Variants in CDH12 observed in about 807,000 individuals in gnomAD.
The protein encoded by CDH12 is cadherin 12.
Under a neutral mutation model 74.1 loss-of-function variants are expected in CDH12, and 41 were observed. The observed-to-expected ratio is 0.55, with a 90% CI of 0.43 to 0.72. The LOEUF is 0.72. Among genes scored for constraint, CDH12 ranks in the 30% least tolerant of loss-of-function variants. The probability of loss-of-function intolerance (pLI) is 0.00; values close to 1 mark genes in which losing one functional copy is unlikely to be tolerated. For synonymous variants in CDH12, 399 were observed against 355.0 expected (o/e 1.12, Z -1.39); for missense variants, 945 against 977.2 (o/e 0.97, Z 0.44).
chr5:21,844,685 G>T (rs1458151507), intron 7 of CDH12, among the ~76,000 whole-genome samples: 1 of 152,056 alleles, frequency 6.6e-6, no homozygotes, highest in Non-Finnish European at 1.5e-5. Flanking sequence ...TACCTATTTT[G>T]TCTCTGTTCA....
chr5:22,335,616 G>C (rs1018910767), intron 3 of CDH12, among the ~76,000 whole-genome samples: 1 of 151,622 alleles, frequency 6.6e-6, no homozygotes, highest in African/African-American at 2.4e-5. Context: ...ACAAAAACAA[G>C]GGGGAGTTTC....
chr5:22,834,196 C>T (rs1342973354), intron 1 of CDH12, among the ~76,000 whole-genome samples: 2 of 152,090 alleles, frequency 1.3e-5, no homozygotes, highest in Non-Finnish European at 2.9e-5. Flanking sequence ...TCTGCTGTGC[C>T]AGTTAGGAAA....
At chr5:22,506,946 T>C (rs919108952) in intron 1 of CDH12, among the ~76,000 whole-genome samples, 5 of 152,144 alleles carry the variant, frequency 3.3e-5, no homozygotes, top group African/African-American at 1.2e-4. Flanking sequence ...TAAAACCACA[T>C]TTTTCATTTC....
intron 7 of CDH12, among the ~76,000 whole-genome samples, chr5:21,848,240 T>C (rs1386184969): frequency 6.6e-6 from 1 of 152,102 alleles, no homozygotes; most frequent in Non-Finnish European, 1.5e-5. Context: ...AGATCTCTCC[T>C]AGTTAAACAT....
At chr5:22,412,432 T>C (rs2126475495) in intron 2 of CDH12, among the ~76,000 whole-genome samples, 1 of 152,078 alleles carries the variant, frequency 6.6e-6, no homozygotes, top group Middle Eastern at 3.4e-3. Context: ...AATGTCATTC[T>C]GAATAGGGCT....
At chr5:22,103,063 A>G (rs1744241658) in intron 4 of CDH12, among the ~76,000 whole-genome samples, 1 of 152,126 alleles carries the variant, frequency 6.6e-6, no homozygotes. Flanking sequence ...TGATTAATGA[A>G]CACAGCATTT....
chr5:22,473,830 A>T (rs1238980939), intron 2 of CDH12, among the ~76,000 whole-genome samples: 1 of 152,162 alleles, frequency 6.6e-6, no homozygotes, highest in Non-Finnish European at 1.5e-5. Flanking sequence ...TCGGACTGAC[A>T]TTTCTCAGTG....
chr5:22,284,634 T>C (rs1217395772), intron 3 of CDH12, among the ~76,000 whole-genome samples: 1 of 152,142 alleles, frequency 6.6e-6, no homozygotes, highest in Admixed American at 6.6e-5. Flanking sequence ...AACCTATTCA[T>C]GGAAATTACA....
intron 3 of CDH12, among the ~76,000 whole-genome samples, chr5:22,375,989 A>G (rs975429558): frequency 2.0e-5 from 3 of 152,234 alleles, no homozygotes; most frequent in Non-Finnish European, 2.9e-5. Context: ...AAATCTGTAT[A>G]CCAAGGGGAC....
At chr5:22,295,921 T>C (rs565263714) in intron 3 of CDH12, among the ~76,000 whole-genome samples, 1 of 152,180 alleles carries the variant, frequency 6.6e-6, no homozygotes, top group African/African-American at 2.4e-5. Context: ...AACAGTTGCA[T>C]ATTTATAATA....
intron 3 of CDH12, among the ~76,000 whole-genome samples, chr5:22,353,195 C>CA (rs1740426437): frequency 6.6e-6 from 1 of 152,078 alleles, no homozygotes; most frequent in Non-Finnish European, 1.5e-5. Context: ...TCTAGAAAAA[C>CA]AAAACCACAT....
intron 1 of CDH12, among the ~76,000 whole-genome samples, chr5:22,834,513 G>A (rs1736744197): frequency 1.3e-5 from 2 of 152,096 alleles, no homozygotes; most frequent in Admixed American, 1.3e-4. Flanking sequence ...AACAGGTGTA[G>A]TTTAAAAGCT....
chr5:22,156,562 TA>T (rs1229203893), intron 4 of CDH12, among the ~76,000 whole-genome samples: 4 of 152,068 alleles, frequency 2.6e-5, no homozygotes, highest in Admixed American at 1.3e-4. Context: ...AAAAAAAGAC[TA>T]CATGTGTCAT....
intron 1 of CDH12, among the ~76,000 whole-genome samples, chr5:22,667,648 C>T (rs753254845): frequency 1.1e-4 from 16 of 152,130 alleles, no homozygotes; most frequent in African/African-American, 4.8e-5. Context: ...TAAATAGTTA[C>T]CTTCTTAGCT....
chr5:21,880,485 TCCTTCCTTCCTTCCTTCCTC>T (rs1298638199), intron 6 of CDH12, among the ~76,000 whole-genome samples: 7 of 37,628 alleles, frequency 1.9e-4, no homozygotes, highest in Admixed American at 3.9e-4. Flanking sequence ...CTTCCTTCCT[TCCTTCCTTCCTTCCTTCCTC>T]CCTCCCTCCC....
intron 1 of CDH12, among the ~76,000 whole-genome samples, chr5:22,652,096 A>G (rs1257868207): frequency 6.6e-6 from 1 of 152,192 alleles, no homozygotes; most frequent in African/African-American, 2.4e-5. Context: ...TGAAATGGAA[A>G]AAGATTAAAA....
At chr5:22,462,388 C>A (rs1433721589) in intron 2 of CDH12, among the ~76,000 whole-genome samples, 1 of 152,152 alleles carries the variant, frequency 6.6e-6, no homozygotes, top group Non-Finnish European at 1.5e-5. Context: ...CTAGACCCCA[C>A]CTTTTAGAGG....
chr5:22,770,175 G>A (rs1056905141), intron 1 of CDH12, among the ~76,000 whole-genome samples: 8 of 150,850 alleles, frequency 5.3e-5, no homozygotes. Context: ...AATTCCAAAA[G>A]AGACTTTTTC....
chr5:22,696,370 C>CAG (rs1742363159), intron 1 of CDH12, among the ~76,000 whole-genome samples: 1 of 96,550 alleles, frequency 1.0e-5, no homozygotes. Flanking sequence ...GACTCCGTCT[C>CAG]AAAAAAAAAA....
Sources: gnomAD v4.1 joint callset for allele counts (sites outside exome capture counted in the v4.1 genomes callset) on GRCh38, gnomAD v4.1.1 for gene constraint, MANE v1.5 for transcripts, NCBI Gene and HGNC (gene_info 2026-07-23, HGNC 2026-07-21) for gene names.